UBP1: variants seen among roughly 807,000 people sequenced by gnomAD.
UBP1 encodes the protein upstream-binding protein 1.
UBP1 carries 22 observed loss-of-function variants against 76.1 expected under a neutral mutation model. The ratio of observed to expected loss-of-function variants is 0.29; its 90% CI spans 0.21 to 0.41. UBP1 has a LOEUF of 0.41. UBP1 is among the 10% of genes least tolerant of loss of function. The pLI, the probability that UBP1 is intolerant of heterozygous loss-of-function variation, is 1.00. For missense variants in UBP1, 436 were observed against 668.1 expected, an observed-to-expected ratio of 0.65 and a Z score of 3.83; for synonymous variants, 224 against 237.1, an observed-to-expected ratio of 0.94 and a Z score of 0.51.
chr3:33,402,755 A>T (rs1285057594), intron 9 of UBP1, 46 bp downstream of exon 9: 1 of 1,363,834 alleles, frequency 7.3e-7, no homozygotes, highest in Non-Finnish European at 9.8e-7. Context: ...ATGAAGGCAC[A>T]TGAGCATTAG....
chr3:33,430,705 C>T (rs895845025), intron 1 of UBP1, among the ~76,000 whole-genome samples: 7 of 152,042 alleles, frequency 4.6e-5, no homozygotes, highest in African/African-American at 1.5e-4. Flanking sequence ...ATTGAAAGAG[C>T]GGGAAAGGGA....
upstream of UBP1, chr3:33,441,314 C>T (rs939528597): frequency 2.0e-5 from 3 of 152,306 alleles, no homozygotes; most frequent in Admixed American, 6.5e-5. Context: ...GCTGCTGGCG[C>T]TTGACGGGCG....
At chr3:33,424,646 T>TA (rs2044981241) in intron 2 of UBP1, among the ~76,000 whole-genome samples, 1 of 152,252 alleles carries the variant, frequency 6.6e-6, no homozygotes, top group South Asian at 2.1e-4. Flanking sequence ...CTGCTTTCAG[T>TA]ATATGTATCC....
At chr3:33,390,601 A>T in intron 15 of UBP1, 1 of 565,746 alleles carries the variant, frequency 1.8e-6, no homozygotes. Flanking sequence ...CAACGCCCGC[A>T]TTCCAACACT....
chr3:33,411,174 A>G (rs1451145103), intron 5 of UBP1, among the ~76,000 whole-genome samples: 1 of 152,150 alleles, frequency 6.6e-6, no homozygotes, highest in Non-Finnish European at 1.5e-5. Flanking sequence ...ATTAGTCATC[A>G]TTATTATCCT....
chr3:33,395,750 GAAAAAAAAAAAA>G lies in UBP1; in HGVS notation c.1390+400_1390+411del, dbSNP rs61654235. Among the ~76,000 whole-genome samples the G allele has an allele frequency of 1.0e-4, 7 of 69,778 alleles. No individual in the cohort carries two copies. In the South Asian group the frequency reaches 1.6e-3, roughly 16 times the overall value. 45.8% of individuals were successfully genotyped at this position (69,778 alleles called of 152,430 possible). ...CTCCCCATACCTAGTCAGGAAAATT[GAAAAAAAAAAAA>G]AAAAAAAAAAAGAAAAAGGAAAGAA... On this transcript the variant is annotated intron_variant, in intron 13 of 15. Coordinates refer to ENST00000283629, the MANE Select transcript of UBP1 (RefSeq NM_014517.5).
At chr3:33,396,859 GCAT>G in intron 12 of UBP1, 183 bp downstream of exon 12, 1 of 692,282 alleles carries the variant, frequency 1.4e-6, no homozygotes, top group Non-Finnish European at 2.6e-6. Flanking sequence ...ATCAGTGCCT[GCAT>G]CATATCTGGG....
intron 8 of UBP1, among the ~76,000 whole-genome samples, chr3:33,404,667 G>A (rs138263127): frequency 1.3e-5 from 2 of 151,944 alleles, no homozygotes; most frequent in Middle Eastern, 3.4e-3. Flanking sequence ...GAAAGAAAAA[G>A]TACATAACTC....
At chr3:33,401,060 C>A in intron 9 of UBP1, 44 bp from the exon 10 acceptor site, 1 of 1,535,248 alleles carries the variant, frequency 6.5e-7, no homozygotes, top group African/African-American at 1.4e-5. Flanking sequence ...TTTTATAATA[C>A]ATATATGTTT....
chr3:33,395,944 A>G (rs2043975017), intron 13 of UBP1, among the ~76,000 whole-genome samples: 1 of 151,846 alleles, frequency 6.6e-6, no homozygotes, highest in Admixed American at 6.5e-5. Context: ...AAACAGACCC[A>G]TAGTGTGGCT....
At chr3:33,429,458 T>G (rs977581251) in intron 1 of UBP1, among the ~76,000 whole-genome samples, 4 of 151,988 alleles carry the variant, frequency 2.6e-5, no homozygotes, top group Admixed American at 6.6e-5. Context: ...ACCTCCCAAG[T>G]AGCTAGTATT....
At chr3:33,436,230 A>G (rs2045202823) in intron 1 of UBP1, among the ~76,000 whole-genome samples, 1 of 152,254 alleles carries the variant, frequency 6.6e-6, no homozygotes, top group African/African-American at 2.4e-5. Context: ...CCAATTAACA[A>G]ACGTATTACC....
Position 33,390,385 on chromosome 3 carries a change from G to A in UBP1, c.1586-17C>T, listed in dbSNP as rs374522223. 3 of 1,614,016 alleles carry A rather than the reference G, an allele frequency of 1.9e-6. No individual in the cohort carries two copies. The highest frequency in any genetic ancestry group is 1.7e-6 in the Non-Finnish European group (2 of 1,179,920). On this transcript the variant is annotated splice_polypyrimidine_tract_variant and intron_variant, in intron 15 of 15. Coordinates refer to ENST00000283629, the MANE Select transcript of UBP1 (RefSeq NM_014517.5). ...TACTTTCAGCTGCAGAAAAAGGAAAGACAGTATTTCTTCAGTCAGGCTTAG... is the reference window on the plus strand; with the variant it reads ...TACTTTCAGCTGCAGAAAAAGGAAAAACAGTATTTCTTCAGTCAGGCTTAG...
intron 1 of UBP1, 149 bp downstream of exon 1, chr3:33,439,587 G>A (rs1385487834): frequency 2.4e-6 from 2 of 820,826 alleles, no homozygotes; most frequent in East Asian, 3.0e-5. Context: ...GGGGTTCCAT[G>A]GCCCCCGACC....
At chr3:33,436,340 C>G (rs756761678) in intron 1 of UBP1, among the ~76,000 whole-genome samples, 2 of 152,154 alleles carry the variant, frequency 1.3e-5, no homozygotes, top group African/African-American at 2.4e-5. Flanking sequence ...CAATAGATTT[C>G]TTAAATAAAC....
chr3:33,415,520 AGATATATTTATTATATACCACCATAT>A (rs1420809174), intron 3 of UBP1, among the ~76,000 whole-genome samples: 6 of 152,226 alleles, frequency 3.9e-5, no homozygotes, highest in African/African-American at 1.4e-4. Flanking sequence ...GATATATACC[AGATATATTTATTATATACCACCATAT>A]GATGGATATA....
At chr3:33,424,989 G>A (rs991879768) in intron 2 of UBP1, among the ~76,000 whole-genome samples, 1 of 151,966 alleles carries the variant, frequency 6.6e-6, no homozygotes, top group African/African-American at 2.4e-5. Context: ...AGGTTGCAGT[G>A]TGCCGAGATT....
At position 33,439,807 on chromosome 3, in the gene UBP1, C is replaced by A. The variant is rs1306717406; in HGVS notation, c.42G>T (p.Gly14=). 1.2e-6 allele frequency: 2 copies of A among 1,612,800 alleles called. No individual in the cohort carries two copies. The highest frequency in any genetic ancestry group is 4.5e-5 in the East Asian group (2 of 44,840). Reference sequence around the variant, plus strand: ...GGCTGGCGTCGAAGTCGTGCACCAGCCCGGACTCGATCACCTCGTCCATCT... The same window carrying A: ...GGCTGGCGTCGAAGTCGTGCACCAGACCGGACTCGATCACCTCGTCCATCT... The part of the protein sequence containing the change: ...VLKMDEVIES[G]LVHDFDASLS... Residue 14 remains glycine, a synonymous_variant, in exon 1 of 16, where the codon GGG becomes GGT. Transcript: ENST00000283629.
intron 2 of UBP1, among the ~76,000 whole-genome samples, chr3:33,422,389 T>C (rs1319636654): frequency 6.8e-6 from 1 of 147,676 alleles, no homozygotes; most frequent in Non-Finnish European, 1.5e-5. Flanking sequence ...AACAAACAAA[T>C]AAAAGGAAAA....
Sources: allele counts gnomAD v4.1 joint callset (sites outside exome capture counted in the v4.1 genomes callset), GRCh38; gene constraint gnomAD v4.1.1; transcripts MANE v1.5; gene names NCBI Gene and HGNC (gene_info 2026-07-23, HGNC 2026-07-21).